Variants in PRR5L observed in about 807,000 individuals in gnomAD.
The protein encoded by PRR5L is proline-rich protein 5-like.
In PRR5L, 21 loss-of-function variants were observed where a neutral mutation model predicts 36.4. The ratio of observed to expected loss-of-function variants is 0.58; its 90% CI spans 0.41 to 0.83. The LOEUF is 0.83. Ranked by LOEUF, PRR5L falls within the 40% of genes least tolerant of loss-of-function variation. The probability of loss-of-function intolerance (pLI) is 0.00; values close to 1 mark genes in which losing one functional copy is unlikely to be tolerated. For synonymous variants in PRR5L, 188 were observed against 197.0 expected, an observed-to-expected ratio of 0.95 and a Z score of 0.38; for missense variants, 381 against 473.3, an observed-to-expected ratio of 0.80 and a Z score of 1.81.
At chr11:36,458,887 G>A (rs545981448) in intron 8 of PRR5L, among the ~76,000 whole-genome samples, 7 of 152,232 alleles carry the variant, frequency 4.6e-5, no homozygotes, top group African/African-American at 1.7e-4. Flanking sequence ...GCATTGTCCT[G>A]CCTGGCTGGC....
At chr11:36,382,780 A>G (rs1376440193) in intron 1 of PRR5L, among the ~76,000 whole-genome samples, 1 of 152,198 alleles carries the variant, frequency 6.6e-6, no homozygotes, top group Non-Finnish European at 1.5e-5. Context: ...AAGTGTCTCC[A>G]GGCAGTGGGA....
chr11:36,347,899 C>T (rs1856883741), intron 1 of PRR5L, among the ~76,000 whole-genome samples: 1 of 152,034 alleles, frequency 6.6e-6, no homozygotes, highest in African/African-American at 2.4e-5. Context: ...CCTGGTTTTG[C>T]AACCCTGGAA....
chr11:36,404,771 T>G (rs996841692), intron 3 of PRR5L, among the ~76,000 whole-genome samples: 1 of 152,198 alleles, frequency 6.6e-6, no homozygotes, highest in African/African-American at 2.4e-5. Flanking sequence ...TAGAATTGTA[T>G]TAAATTTCCA....
At chr11:36,380,098 C>T (rs1173540909) in intron 1 of PRR5L, among the ~76,000 whole-genome samples, 1 of 152,044 alleles carries the variant, frequency 6.6e-6, no homozygotes, top group East Asian at 1.9e-4. Flanking sequence ...TAGTGGTTCA[C>T]ATGGAAGTTT....
At chr11:36,397,759 T>C (rs1285151268) in intron 1 of PRR5L, among the ~76,000 whole-genome samples, 2 of 151,698 alleles carry the variant, frequency 1.3e-5, no homozygotes, top group Non-Finnish European at 2.9e-5. Context: ...CAATGCCTTC[T>C]TAATTCTTTT....
chr11:36,326,008 G>A (rs1856658619), intron 1 of PRR5L, among the ~76,000 whole-genome samples: 1 of 152,004 alleles, frequency 6.6e-6, no homozygotes, highest in South Asian at 2.1e-4. Context: ...TATTTTTGGT[G>A]AGTATTTCAA....
rs527782466 is a variant in PRR5L, at chr11:36,329,828, G to T, written c.-126+33390G>T. Among the ~76,000 whole-genome samples the T allele has an allele frequency of 2.6e-5, 4 of 152,238 alleles. No individual in the cohort carries two copies. The East Asian group carries it at 7.7e-4, about 29-fold the overall frequency. On this transcript the variant is annotated intron_variant, in intron 1 of 8. Coordinates refer to ENST00000530639, the MANE Select transcript of PRR5L (RefSeq NM_001160167.2). The stretch of plus-strand genomic sequence containing the variant: ...CTTCTTGAGGTCTTCAAAACATACA[G>T]TTTCCTGAGACTGCCACAAAAGTGA...
In PRR5L at chr11:36,347,759, G is replaced by A. The variant is rs567020536; in HGVS notation, c.-126+51321G>A. Among the ~76,000 whole-genome samples the A allele has an allele frequency of 5.9e-5, 9 of 151,960 alleles. No homozygotes were observed. The South Asian group carries it at 1.7e-3, about 28-fold the overall frequency. On this transcript the variant is annotated intron_variant, in intron 1 of 8. Coordinates refer to ENST00000530639, the MANE Select transcript of PRR5L (RefSeq NM_001160167.2). ...AGATGATGGTCCAGCCAGCATGTAA[G>A]GGCGAGATCCTTACATAGCCTCCTT...
intron 3 of PRR5L, among the ~76,000 whole-genome samples, chr11:36,416,086 A>G (rs376978812): frequency 5.3e-5 from 8 of 152,356 alleles, no homozygotes; most frequent in African/African-American, 1.9e-4. Context: ...AAATAGTTGC[A>G]TAGAATTCCA....
rs1038268098 is a variant in PRR5L at position 36,403,175 on chromosome 11, G to T, written c.165-123G>T. 5 of 691,200 alleles carry T rather than the reference G, an allele frequency of 7.2e-6. No homozygotes were observed. The African/African-American group carries it at 9.1e-5, about 13-fold the overall frequency. 42.8% of individuals were successfully genotyped at this position (691,200 alleles called of 1,614,324 possible). A position where few individuals can be genotyped will look rare whatever the true frequency, so the allele number is the denominator to read the frequency against. On this transcript the variant is annotated intron_variant, in intron 2 of 8. Transcript: ENST00000530639. ...ACTGAGGAAATGGAGGATGGATGGA[G>T]AGTGTGGCCAGGTTTGTGCTATGAG...
At chr11:36,327,853 T>C (rs1856680587) in intron 1 of PRR5L, among the ~76,000 whole-genome samples, 1 of 152,162 alleles carries the variant, frequency 6.6e-6, no homozygotes, top group Admixed American at 6.5e-5. Flanking sequence ...GCACCCCCTG[T>C]CCCAACTTCA....
At chr11:36,300,094 C>CTT (rs143276329) in intron 1 of PRR5L, among the ~76,000 whole-genome samples, 2 of 149,078 alleles carry the variant, frequency 1.3e-5, no homozygotes, top group African/African-American at 4.9e-5. Flanking sequence ...AGTGAAATAT[C>CTT]TTTTTTTTTT....
chr11:36,309,889 A>C (rs1344035616), intron 1 of PRR5L, among the ~76,000 whole-genome samples: 1 of 57,324 alleles, frequency 1.7e-5, no homozygotes, highest in African/African-American at 5.2e-5. Context: ...GTGTCTGTAC[A>C]TCACCCATGA....
rs536064099 is a variant in PRR5L, at chr11:36,463,621, G to C, written c.*885G>C. The C allele has an allele frequency of 6.7e-6, 1 of 149,936 alleles. No homozygotes were observed. The highest frequency in any genetic ancestry group is 1.5e-5 in the Non-Finnish European group (1 of 67,598). 9.3% of individuals were successfully genotyped at this position (149,936 alleles called of 1,614,324 possible). ...GTATCTATCTATCTGGATTTGACTT[G>C]AATTTTTAAAATGTGTATCGTTTAA... On this transcript the variant is annotated 3_prime_UTR_variant, in exon 9 of 9. Coordinates refer to ENST00000530639, the MANE Select transcript of PRR5L (RefSeq NM_001160167.2).
chr11:36,377,428 T>A lies in PRR5L; in HGVS notation c.-125-23569T>A, dbSNP rs1590503462. The A allele has an allele frequency of 6.6e-6, 1 of 152,160 alleles. No homozygotes were observed. The highest frequency in any genetic ancestry group is 6.5e-5 in the Admixed American group (1 of 15,292). 9.4% of individuals were successfully genotyped at this position (152,160 alleles called of 1,614,324 possible). On this transcript the variant is annotated intron_variant, in intron 1 of 8. Coordinates refer to ENST00000530639, the MANE Select transcript of PRR5L (RefSeq NM_001160167.2). The surrounding 1 kb of genome is among the most constrained non-coding windows in gnomAD (Gnocchi z 5.1). ...TCGGCGAGGCTTTCCTCTGCGCGCTTACTGTGCGCGCATGCCGGGCTCGCT... is the reference window on the plus strand; with the variant it reads ...TCGGCGAGGCTTTCCTCTGCGCGCTAACTGTGCGCGCATGCCGGGCTCGCT...
At chr11:36,438,352 A>G (rs575379252) in intron 6 of PRR5L, among the ~76,000 whole-genome samples, 1 of 152,336 alleles carries the variant, frequency 6.6e-6, no homozygotes, top group South Asian at 2.1e-4. Context: ...ATGCAGAGGA[A>G]CACAGCCATT....
rs558949812 is a variant in PRR5L, at chr11:36,458,573, T to TAC, written c.713-3759_713-3758dup. 3.3e-3 allele frequency among the ~76,000 whole-genome samples: 500 copies of TAC among 152,358 alleles called. 4 individuals are homozygous for TAC. The highest frequency in any genetic ancestry group is 0.011 in the African/African-American group (478 of 41,584). ...AGAATTTCATTCTCTTCATTATTTA[T>TAC]ACACACACACAACAGTCCGATGACG... On this transcript the variant is annotated intron_variant, in intron 8 of 8. Coordinates refer to ENST00000530639, the MANE Select transcript of PRR5L (RefSeq NM_001160167.2).
chr11:36,324,059 G>C (rs1175424118), intron 1 of PRR5L, among the ~76,000 whole-genome samples: 1 of 152,110 alleles, frequency 6.6e-6, no homozygotes, highest in Admixed American at 6.5e-5. Flanking sequence ...ATATACCCAA[G>C]AGAAATGGGT....
chr11:36,446,740 G>A (rs1414200222), intron 7 of PRR5L, among the ~76,000 whole-genome samples: 1 of 152,156 alleles, frequency 6.6e-6, no homozygotes, highest in Non-Finnish European at 1.5e-5. Context: ...ATGCCAGGGA[G>A]CCACAAGTTG....
Sources: gnomAD v4.1 joint callset for allele counts (sites outside exome capture counted in the v4.1 genomes callset) on GRCh38, gnomAD v4.1.1 for gene constraint, Gnocchi (gnomAD v3.1) non-coding constraint, MANE v1.5 for transcripts, NCBI Gene and HGNC (gene_info 2026-07-23, HGNC 2026-07-21) for gene names.